Variants in TRHDE observed in about 807,000 individuals in gnomAD.
TRHDE encodes the protein thyrotropin releasing hormone degrading enzyme.
Under a neutral mutation model 125.7 loss-of-function variants are expected in TRHDE, and 72 were observed. The observed-to-expected ratio is 0.57, with a 90% CI of 0.47 to 0.70. TRHDE has a LOEUF of 0.70. Ranked by LOEUF, TRHDE falls within the 30% of genes least tolerant of loss-of-function variation. The pLI is 0.00. For missense variants in TRHDE, 1,110 were observed against 1,327.1 expected, an observed-to-expected ratio of 0.84 and a Z score of 2.54; for synonymous variants, 509 against 509.1, an observed-to-expected ratio of 1.00 and a Z score of 0.00.
At chr12:72,101,727 C>T (rs1478441501) in intron 1 of TRHDE, among the ~76,000 whole-genome samples, 2 of 152,176 alleles carry the variant, frequency 1.3e-5, no homozygotes, top group Admixed American at 1.3e-4. Context: ...ACTGAAGAGA[C>T]ATTCCAATTA....
At chr12:72,544,180 G>A (rs1024768915) in intron 7 of TRHDE, among the ~76,000 whole-genome samples, 12 of 151,418 alleles carry the variant, frequency 7.9e-5, no homozygotes, top group Non-Finnish European at 1.2e-4. Flanking sequence ...ATCATCAGCA[G>A]TTTGGATTAG....
At chr12:72,295,179 G>T (rs1297289905) in intron 2 of TRHDE, among the ~76,000 whole-genome samples, 1 of 151,396 alleles carries the variant, frequency 6.6e-6, no homozygotes, top group Non-Finnish European at 1.5e-5. Flanking sequence ...TTGCAGACGG[G>T]GCTCCTGCCT....
At chr12:72,434,965 T>C (rs1372870190) in intron 3 of TRHDE, among the ~76,000 whole-genome samples, 2 of 152,332 alleles carry the variant, frequency 1.3e-5, no homozygotes, top group East Asian at 3.9e-4. Flanking sequence ...ATAGTTTAAA[T>C]CTACCTTACA....
At chr12:72,250,898 G>A (rs1424988973) in intron 2 of TRHDE, among the ~76,000 whole-genome samples, 1 of 137,450 alleles carries the variant, frequency 7.3e-6, no homozygotes, top group Non-Finnish European at 1.6e-5. Flanking sequence ...TAGAGCATAA[G>A]ATGCTCAGAT....
chr12:72,306,083 G>A (rs73137385), intron 2 of TRHDE, among the ~76,000 whole-genome samples: 6,244 of 152,214 alleles, frequency 0.041, 193 homozygotes, highest in Non-Finnish European at 0.056. Context: ...CCCCTCTGCT[G>A]CCTTATGGCC....
Position 72,668,990 on chromosome 12 carries a change from C to A in TRHDE, c.*5795C>A, listed in dbSNP as rs1875185857. ...GTATTAATTTGTGCATTCTGGTTTA[C>A]CATTCATTTCTTAACAAAGTTGCTT... is the stretch of plus-strand genomic sequence containing the variant. On this transcript the variant is annotated 3_prime_UTR_variant, in exon 19 of 19. Coordinates refer to ENST00000261180, the MANE Select transcript of TRHDE (RefSeq NM_013381.3). 6.6e-6 allele frequency: 1 copy of A among 151,514 alleles called. No homozygotes were observed. Among genetic ancestry groups the A allele is most frequent in the Non-Finnish European group, 1.5e-5 (1 of 67,790 alleles). 9.4% of individuals were successfully genotyped at this position (151,514 alleles called of 1,614,324 possible). A position where few individuals can be genotyped will look rare whatever the true frequency, so the allele number is the denominator to read the frequency against.
intron 1 of TRHDE, among the ~76,000 whole-genome samples, chr12:72,094,403 A>G (rs1874863522): frequency 6.6e-6 from 1 of 152,088 alleles, no homozygotes; most frequent in Admixed American, 6.5e-5. Context: ...ACTGATGAGC[A>G]TATCTATTGG....
At chr12:72,366,052 C>T (rs563245210) in intron 2 of TRHDE, among the ~76,000 whole-genome samples, 28 of 152,186 alleles carry the variant, frequency 1.8e-4, no homozygotes, top group African/African-American at 5.3e-4. Flanking sequence ...TTCTCCTCTT[C>T]GGAGGTCCAA....
intron 2 of TRHDE, among the ~76,000 whole-genome samples, chr12:72,211,568 G>A (rs1225613834): frequency 6.6e-6 from 1 of 152,068 alleles, no homozygotes; most frequent in Non-Finnish European, 1.5e-5. Flanking sequence ...AATATTCAGA[G>A]GTGTTGATAA....
chr12:72,362,184 G>A (rs1043217016), intron 2 of TRHDE, among the ~76,000 whole-genome samples: 3 of 140,142 alleles, frequency 2.1e-5, no homozygotes, highest in African/African-American at 5.4e-5. Flanking sequence ...CACCAACAGT[G>A]TAAAAGTGTT....
At chr12:72,114,214 G>A (rs1285324108) in intron 2 of TRHDE, among the ~76,000 whole-genome samples, 6 of 59,194 alleles carry the variant, frequency 1.0e-4, no homozygotes, top group Non-Finnish European at 2.1e-4. Flanking sequence ...AAACATTCCT[G>A]TCTAAATATT....
chr12:72,285,762 G>T (rs1437519931), intron 1 of TRHDE, among the ~76,000 whole-genome samples: 1 of 151,982 alleles, frequency 6.6e-6, no homozygotes, highest in African/African-American at 2.4e-5. Context: ...CTCATAATCC[G>T]CCTACCTTGG....
intron 2 of TRHDE, among the ~76,000 whole-genome samples, chr12:72,224,166 G>GTATGTATCTATCTATC (rs1406586507): frequency 4.8e-4 from 30 of 62,968 alleles, no homozygotes; most frequent in East Asian, 3.0e-3. Flanking sequence ...ATGTATGTAT[G>GTATGTATCTATCTATC]TATCTATCTA....
intron 3 of TRHDE, among the ~76,000 whole-genome samples, chr12:72,414,893 CTG>C (rs1373059972): frequency 6.6e-6 from 1 of 152,084 alleles, no homozygotes; most frequent in Admixed American, 6.6e-5. Flanking sequence ...AATGAAAAAA[CTG>C]CGATTCAGAA....
intron 3 of TRHDE, among the ~76,000 whole-genome samples, chr12:72,378,838 T>C (rs2135776625): frequency 6.6e-6 from 1 of 152,298 alleles, no homozygotes; most frequent in African/African-American, 2.4e-5. Context: ...AATGAATTAA[T>C]TGGTTATCTG....
chr12:72,090,273 A>G (rs182925135), intron 1 of TRHDE, among the ~76,000 whole-genome samples: 1 of 152,322 alleles, frequency 6.6e-6, no homozygotes, highest in Admixed American at 6.5e-5. Flanking sequence ...GACTCACTCA[A>G]TGGAGACTAC....
chr12:72,517,714 C>A (rs1021916327), intron 6 of TRHDE, among the ~76,000 whole-genome samples: 1 of 151,748 alleles, frequency 6.6e-6, no homozygotes, highest in Non-Finnish European at 1.5e-5. Flanking sequence ...TGTTGCTTTT[C>A]TAGTTCTTTT....
intron 2 of TRHDE, among the ~76,000 whole-genome samples, chr12:72,365,437 A>G (rs1466847761): frequency 6.6e-6 from 1 of 152,122 alleles, no homozygotes; most frequent in Non-Finnish European, 1.5e-5. Context: ...AATTTCAAAC[A>G]ATAACCTTTG....
At chr12:72,172,957 T>A (rs1041545273) in intron 2 of TRHDE, among the ~76,000 whole-genome samples, 10 of 152,188 alleles carry the variant, frequency 6.6e-5, no homozygotes, top group Admixed American at 6.5e-5. Flanking sequence ...CCTAGTGAGA[T>A]GAGATTAGTA....
Sources: allele counts gnomAD v4.1 joint callset (sites outside exome capture counted in the v4.1 genomes callset), GRCh38; gene constraint gnomAD v4.1.1; transcripts MANE v1.5; gene names NCBI Gene and HGNC (gene_info 2026-07-23, HGNC 2026-07-21).